Variants in NUP58 observed in about 807,000 individuals in gnomAD.
NUP58 encodes the protein nucleoporin 58, also known as nucleoporin p58/p45.
A neutral mutation model predicts 70.1 loss-of-function variants in NUP58; 17 were observed. That is an observed-to-expected ratio of 0.24 (90% CI 0.17 to 0.36). NUP58 has a LOEUF of 0.36. Ranked by LOEUF, NUP58 falls within the 10% of genes least tolerant of loss-of-function variation. The pLI, the probability that NUP58 is intolerant of heterozygous loss-of-function variation, is 1.00. For synonymous variants in NUP58, 275 were observed against 257.6 expected, an observed-to-expected ratio of 1.07 and a Z score of -0.65; for missense variants, 644 against 701.5, an observed-to-expected ratio of 0.92 and a Z score of 0.93.
chr13:25,326,233 A>G (rs2031389312), intron 10 of NUP58, among the ~76,000 whole-genome samples: 1 of 152,136 alleles, frequency 6.6e-6, no homozygotes, highest in Non-Finnish European at 1.5e-5. Flanking sequence ...TCTGTCTTGT[A>G]CTTAATACTG....
chr13:25,313,922 T>TTTTA (rs1256019715), intron 5 of NUP58, among the ~76,000 whole-genome samples, 171 bp downstream of exon 5: 2 of 152,110 alleles, frequency 1.3e-5, no homozygotes, highest in South Asian at 2.1e-4. Context: ...ATTAACCGTA[T>TTTTA]TTTATTTATT....
chr13:25,311,280 A>G (rs1027164571), intron 3 of NUP58, among the ~76,000 whole-genome samples: 2 of 152,224 alleles, frequency 1.3e-5, no homozygotes, highest in Admixed American at 1.3e-4. Flanking sequence ...TCGTGCCTTT[A>G]GACTCTATTT....
chr13:25,330,714 C>A (rs1200397335), intron 12 of NUP58, among the ~76,000 whole-genome samples: 1 of 152,090 alleles, frequency 6.6e-6, no homozygotes, highest in Non-Finnish European at 1.5e-5. Flanking sequence ...TCTGGAGTTA[C>A]AAACACTTTT....
intron 9 of NUP58, among the ~76,000 whole-genome samples, chr13:25,323,562 A>G (rs1463796336): frequency 1.3e-5 from 2 of 152,182 alleles, no homozygotes; most frequent in East Asian, 1.9e-4. Flanking sequence ...TGAATCCTCT[A>G]TAAAGTATCA....
rs554135802 is a variant in NUP58, at chr13:25,342,162, A to T, written c.*2028A>T. On this transcript the variant is annotated 3_prime_UTR_variant, in exon 16 of 16. Transcript: ENST00000381736. ...GGAAAATGTGTGATTTTGTGTTTTGAATTACTGTCAGAATTACATACACAA... is the reference window on the plus strand; with the variant it reads ...GGAAAATGTGTGATTTTGTGTTTTGTATTACTGTCAGAATTACATACACAA... 6.5e-6 allele frequency: 1 copy of T among 152,724 alleles called. No individual in the cohort carries two copies. Among genetic ancestry groups the T allele is most frequent in the South Asian group, 2.1e-4 (1 of 4,830 alleles). 9.5% of individuals were successfully genotyped at this position (152,724 alleles called of 1,614,324 possible).
chr13:25,346,764 G>T (rs947345152), downstream of NUP58, among the ~76,000 whole-genome samples: 2 of 151,710 alleles, frequency 1.3e-5, no homozygotes, highest in East Asian at 1.9e-4. Flanking sequence ...AGTATATGAG[G>T]AGATTAATTT....
rs751523045 is a variant in NUP58, at chr13:25,315,468, G to A, written c.685+1G>A. 17 of 1,589,042 alleles carry A rather than the reference G, an allele frequency of 1.1e-5. No homozygotes were observed. Among genetic ancestry groups the A allele is most frequent in the East Asian group, 2.2e-5 (1 of 44,716 alleles). On this transcript the variant is annotated splice_donor_variant, in intron 6 of 15. Transcript: ENST00000381736. LOFTEE classifies it high-confidence loss of function. ...TTCAGTAGCTCCTCAGATAAAAAGA[G>A]TAAGTAATGCTGTTGTAACTTTATG...
At chr13:25,315,262 A>G (rs912562039) in intron 5 of NUP58, 95 bp from the exon 6 acceptor site, 20 of 857,250 alleles carry the variant, frequency 2.3e-5, no homozygotes, top group South Asian at 5.3e-5. Context: ...AAGAAAATCT[A>G]GGATCCAACT....
downstream of NUP58, among the ~76,000 whole-genome samples, chr13:25,343,346 T>C (rs564986119): frequency 3.4e-4 from 52 of 151,856 alleles, no homozygotes; most frequent in African/African-American, 1.2e-3. Context: ...TATTATACTT[T>C]AAGTTTTAGG....
chr13:25,344,746 ATTATTT>A (rs1396050718), downstream of NUP58, among the ~76,000 whole-genome samples: 1 of 152,104 alleles, frequency 6.6e-6, no homozygotes, highest in Non-Finnish European at 1.5e-5. Flanking sequence ...TTCTTGTTTG[ATTATTT>A]TTACTAACCA....
At chr13:25,330,198 GA>G (rs909257823) in intron 12 of NUP58, among the ~76,000 whole-genome samples, 2 of 152,282 alleles carry the variant, frequency 1.3e-5, no homozygotes, top group Admixed American at 1.3e-4. Context: ...ATCTGAAGTA[GA>G]ACTAAAATTT....
intron 13 of NUP58, 127 bp from the exon 14 acceptor site, chr13:25,336,809 C>T: frequency 1.7e-6 from 1 of 600,410 alleles, no homozygotes; most frequent in Non-Finnish European, 2.8e-6. Flanking sequence ...TAAGTTTTAA[C>T]AAATGGAATC....
rs943792083 is a variant in NUP58 at position 25,333,403 on chromosome 13, T to C, written c.1435+1845T>C. 4.1e-6 allele frequency: 4 copies of C among 985,284 alleles called. No homozygotes were observed. The Admixed American group carries it at 2.5e-4, about 61-fold the overall frequency. The allele number at this position is 985,284 out of a possible 1,614,324, so 61.0% of individuals were successfully genotyped here. Reference sequence around the variant, plus strand: ...ATTTTGTCTGTGACTTTTGCCAGGCTTTGGGGAAATTGACTGCCTTCACTC... The same window carrying C: ...ATTTTGTCTGTGACTTTTGCCAGGCCTTGGGGAAATTGACTGCCTTCACTC... On this transcript the variant is annotated intron_variant, in intron 13 of 15. Coordinates refer to ENST00000381736, the MANE Select transcript of NUP58 (RefSeq NM_014089.4).
At chr13:25,334,822 T>C (rs1334106328) in intron 13 of NUP58, 1 of 984,274 alleles carries the variant, frequency 1.0e-6, no homozygotes, top group African/African-American at 1.7e-5. Flanking sequence ...ATATATTATA[T>C]GGTAACTTTT....
chr13:25,334,330 T>G, intron 13 of NUP58: 1 of 985,406 alleles, frequency 1.0e-6, no homozygotes, highest in Non-Finnish European at 1.2e-6. Context: ...TGCTATTGTG[T>G]TTTGACACTT....
At chr13:25,331,616 G>T in intron 13 of NUP58, 58 bp downstream of exon 13, 1 of 1,557,220 alleles carries the variant, frequency 6.4e-7, no homozygotes, top group Non-Finnish European at 8.7e-7. Flanking sequence ...ATTTATGTGC[G>T]TTTTTATAAG....
At chr13:25,334,662 A>T in intron 13 of NUP58, 1 of 980,514 alleles carries the variant, frequency 1.0e-6, no homozygotes, top group African/African-American at 1.7e-5. Context: ...CATACTAATT[A>T]CATTAGGCAT....
rs139076471 is a variant in NUP58 at position 25,331,344 on chromosome 13, A to ATTTT, written c.1234-11_1234-10insTTTT. 0.017 allele frequency: 27,943 copies of ATTTT among 1,611,792 alleles called. 2,324 individuals carry two copies. The African/African-American group carries it at 0.23, about 13-fold the overall frequency. ...GAAACTTCATTTAGCCGTTTTGTTT[A>ATTTT]TTATTCTTTTAGGTTCTGAAAGAAC... On this transcript the variant is annotated splice_polypyrimidine_tract_variant and intron_variant, in intron 12 of 15. Coordinates refer to ENST00000381736, the MANE Select transcript of NUP58 (RefSeq NM_014089.4).
intron 7 of NUP58, chr13:25,320,240 T>G: frequency 4.5e-6 from 1 of 223,096 alleles, no homozygotes; most frequent in Non-Finnish European, 8.6e-6. Flanking sequence ...CAGTATTCTC[T>G]GATTTTTTTG....
Sources: allele counts gnomAD v4.1 joint callset (sites outside exome capture counted in the v4.1 genomes callset), GRCh38; gene constraint gnomAD v4.1.1; transcripts MANE v1.5; gene names NCBI Gene and HGNC (gene_info 2026-07-23, HGNC 2026-07-21).